FBXO3: variants seen among roughly 807,000 people sequenced by gnomAD.
FBXO3 encodes the protein F-box protein 3.
FBXO3 carries 17 observed loss-of-function variants against 64.8 expected under a neutral mutation model. That is an observed-to-expected ratio of 0.26 (90% confidence interval 0.18 to 0.39). The LOEUF (loss-of-function observed/expected upper bound fraction) is 0.39. FBXO3 is among the 10% of genes least tolerant of loss of function. The pLI is 1.00. For synonymous variants in FBXO3, 182 were observed against 201.6 expected, an observed-to-expected ratio of 0.90 and a Z score of 0.82; for missense variants, 420 against 589.9, an observed-to-expected ratio of 0.71 and a Z score of 2.98.
At chr11:33,751,438 G>T in intron 7 of FBXO3, 85 bp downstream of exon 7, 1 of 875,020 alleles carries the variant, frequency 1.1e-6, no homozygotes. Flanking sequence ...CAACCTTCTT[G>T]GGAAACTTCA....
chr11:33,749,201 A>T (rs754627888), intron 8 of FBXO3, among the ~76,000 whole-genome samples: 1 of 152,208 alleles, frequency 6.6e-6, no homozygotes, highest in East Asian at 1.9e-4. Flanking sequence ...TCAAATAAAG[A>T]TCAATTTGGC....
chr11:33,755,995 A>G lies in FBXO3; in HGVS notation c.474-20T>C, dbSNP rs771031559. Reference sequence around the variant, plus strand: ...AATAACCTGAGGAGCATACAGACTCAAACATGTAATACACGGCAGTGCCAA... The same window carrying G: ...AATAACCTGAGGAGCATACAGACTCGAACATGTAATACACGGCAGTGCCAA... On this transcript the variant is annotated intron_variant, in intron 4 of 10. Transcript: ENST00000265651. The G allele has an allele frequency of 1.9e-6, 3 of 1,604,932 alleles. No homozygotes were observed. The highest frequency in any genetic ancestry group is 1.7e-6 in the Non-Finnish European group (2 of 1,172,130).
chr11:33,744,109 T>G (rs903137010), intron 10 of FBXO3: 14 of 152,278 alleles, frequency 9.2e-5, no homozygotes, highest in Admixed American at 3.9e-4. Flanking sequence ...TTCTTTTATC[T>G]TTGGATTTAT....
chr11:33,752,749 G>A (rs1854993643), intron 6 of FBXO3, among the ~76,000 whole-genome samples: 1 of 152,028 alleles, frequency 6.6e-6, no homozygotes, highest in Admixed American at 6.6e-5. Flanking sequence ...AAAATTCATA[G>A]AAGGTATAAT....
Position 33,751,584 on chromosome 11 carries a change from T to A in FBXO3, c.748A>T (p.Thr250Ser), listed in dbSNP as rs748677867. 3.7e-6 allele frequency: 6 copies of A among 1,606,346 alleles called. No individual in the cohort carries two copies. The African/African-American group carries it at 5.4e-5, about 14-fold the overall frequency. Residue 250 changes from threonine to serine, a missense_variant, in exon 7 of 11, where the codon ACC (threonine) becomes TCC (serine). This residue lies in a region of FBXO3 where 337 missense variants were observed against 518.4 expected (regional missense o/e 0.65). Transcript: ENST00000265651. ...GATACAACATTTTTGACATAAGAGG[T>A]AAACCAGTCAGTAAAAGTAGCACCT... ...IIGATFTDWF[T>S]SYVKNVVSGG...
At chr11:33,758,054 A>C (rs945083897) in intron 4 of FBXO3, among the ~76,000 whole-genome samples, 29 of 152,164 alleles carry the variant, frequency 1.9e-4, no homozygotes, top group Non-Finnish European at 4.4e-5. Flanking sequence ...ATGACAAAAC[A>C]ATTTTATTTA....
chr11:33,772,429 G>A (rs977722459), intron 1 of FBXO3: 4 of 152,138 alleles, frequency 2.6e-5, no homozygotes, highest in Non-Finnish European at 5.9e-5. Context: ...TGGTTCCCAA[G>A]GTCCTGCATG....
intron 5 of FBXO3, 38 bp from the exon 6 acceptor site, chr11:33,754,538 T>C (rs1855044141): frequency 6.6e-7 from 1 of 1,519,226 alleles, no homozygotes; most frequent in Non-Finnish European, 8.9e-7. Context: ...AAAAACACAT[T>C]TTACTTAATT....
chr11:33,769,935 T>G (rs1041617296), intron 2 of FBXO3, among the ~76,000 whole-genome samples: 1 of 151,390 alleles, frequency 6.6e-6, no homozygotes, highest in Admixed American at 6.6e-5. Context: ...ACACATAGAT[T>G]ATTAAAACTA....
intron 1 of FBXO3, chr11:33,771,349 C>G (rs1855505792): frequency 6.6e-6 from 1 of 152,196 alleles, no homozygotes; most frequent in Non-Finnish European, 1.5e-5. Flanking sequence ...GAAAGTCCAC[C>G]TATAGAGGGT....
chr11:33,751,157 A>G (rs1466250756), intron 7 of FBXO3, among the ~76,000 whole-genome samples: 4 of 152,234 alleles, frequency 2.6e-5, no homozygotes, highest in Non-Finnish European at 4.4e-5. Flanking sequence ...TTTAGAGATA[A>G]TAAATATTTG....
intron 3 of FBXO3, among the ~76,000 whole-genome samples, chr11:33,768,599 T>C (rs988710638): frequency 3.9e-5 from 6 of 152,286 alleles, no homozygotes; most frequent in Admixed American, 3.3e-4. Context: ...ACTTTCTTAA[T>C]AGAAAACAAA....
Position 33,751,528 on chromosome 11 carries a change from A to C in FBXO3, c.804T>G (p.Ile268Met). Residue 268 changes from isoleucine to methionine, a missense_variant, in exon 7 of 11, where the codon ATT (isoleucine) becomes ATG (methionine). Ile to Met is a conservative substitution (Grantham distance 10). Coordinates refer to ENST00000265651, the MANE Select transcript of FBXO3 (RefSeq NM_012175.4). The part of the protein sequence containing the change: ...SGGFPIIRDQ[I>M]FRYVHDPECV... ...AAAGACCCAAAATAAAATACCTGAA[A>C]ATTTGGTCTCTGATGATGGGGAAGC... The C allele has an allele frequency of 6.3e-7, 1 of 1,599,768 alleles. No individual in the cohort carries two copies. The highest frequency in any genetic ancestry group is 8.5e-7 in the Non-Finnish European group (1 of 1,172,284).
Position 33,769,018 on chromosome 11 carries a change from A to C in FBXO3, c.195-4T>G. 7 of 1,592,740 alleles carry C rather than the reference A, an allele frequency of 4.4e-6. No homozygotes were observed. Among genetic ancestry groups the C allele is most frequent in the Non-Finnish European group, 6.0e-6 (7 of 1,172,656 alleles). ...ATTCTTCTGTGTTTTCTCTTCCCTAAATAGATGAAAAACATGAGATTTTAA... is the reference window on the plus strand; with the variant it reads ...ATTCTTCTGTGTTTTCTCTTCCCTACATAGATGAAAAACATGAGATTTTAA... On this transcript the variant is annotated splice_polypyrimidine_tract_variant and splice_region_variant and intron_variant, in intron 2 of 10. Transcript: ENST00000265651.
intron 3 of FBXO3, chr11:33,767,489 C>G (rs531361848): frequency 6.6e-6 from 1 of 152,462 alleles, no homozygotes; most frequent in African/African-American, 2.4e-5. Flanking sequence ...TTAGTAGAGA[C>G]GAGGTTTCAC....
At position 33,748,758 on chromosome 11, in the gene FBXO3, T is replaced by C. The variant is rs184533025; in HGVS notation, c.1048+19A>G. On this transcript the variant is annotated intron_variant, in intron 9 of 10. Coordinates refer to ENST00000265651, the MANE Select transcript of FBXO3 (RefSeq NM_012175.4). ...CTTCTAAGGAATTAATGTATAAACC[T>C]AAATCTTGGGTTCCATACCAACTAC... 14 of 1,512,906 alleles carry C rather than the reference T, an allele frequency of 9.3e-6. No individual in the cohort carries two copies. In the Admixed American group the frequency reaches 2.0e-4, roughly 22 times the overall value. 93.7% of individuals were successfully genotyped at this position (1,512,906 alleles called of 1,614,324 possible). A position where few individuals can be genotyped will look rare whatever the true frequency, so the allele number is the denominator to read the frequency against.
At chr11:33,749,503 A>G (rs953902402) in intron 8 of FBXO3, among the ~76,000 whole-genome samples, 1 of 152,008 alleles carries the variant, frequency 6.6e-6, no homozygotes, top group Non-Finnish European at 1.5e-5. Context: ...TGGGGACTAC[A>G]GGCATGTGCC....
intron 3 of FBXO3, among the ~76,000 whole-genome samples, chr11:33,768,122 C>T (rs989239317): frequency 2.6e-5 from 4 of 151,558 alleles, no homozygotes; most frequent in Admixed American, 6.6e-5. Context: ...TTAGCAAAAC[C>T]GAACATCTAT....
intron 10 of FBXO3, 76 bp downstream of exon 10, chr11:33,747,054 A>C: frequency 1.3e-6 from 2 of 1,570,144 alleles, no homozygotes; most frequent in Non-Finnish European, 1.7e-6. Flanking sequence ...TTATAAACTA[A>C]CTATTTGCCT....
Sources: allele counts gnomAD v4.1 joint callset (sites outside exome capture counted in the v4.1 genomes callset), GRCh38; gene constraint gnomAD v4.1.1; regional missense constraint gnomAD v4.1.1; transcripts MANE v1.5; gene names NCBI Gene and HGNC (gene_info 2026-07-23, HGNC 2026-07-21).